The following PEPD variants were observed in gnomAD, a reference collection of about 807,000 sequenced individuals.
PEPD encodes xaa-Pro dipeptidase.
In PEPD, 53 loss-of-function variants were observed where a neutral mutation model predicts 60.7. The observed-to-expected ratio is 0.87, with a 90% CI of 0.70 to 1.10. The LOEUF (loss-of-function observed/expected upper bound fraction) is 1.10. Among genes scored for constraint, PEPD ranks in the 50% least tolerant of loss-of-function variants. The probability of loss-of-function intolerance (pLI) is 0.00; values close to 1 mark genes in which losing one functional copy is unlikely to be tolerated. For missense variants in PEPD, 711 were observed against 711.9 expected (o/e 1.00, Z 0.01); for synonymous variants, 267 against 284.1 (o/e 0.94, Z 0.60).
At chr19:33,494,117 C>T (rs1054444486) in intron 4 of PEPD, among the ~76,000 whole-genome samples, 2 of 152,156 alleles carry the variant, frequency 1.3e-5, no homozygotes, top group East Asian at 3.9e-4. Context: ...GCCAACCAGC[C>T]TGCTGGGAGC....
chr19:33,515,734 A>G (rs1024882820), intron 1 of PEPD, among the ~76,000 whole-genome samples: 3 of 148,344 alleles, frequency 2.0e-5, no homozygotes, highest in Non-Finnish European at 4.5e-5. Context: ...GCCCATCCTC[A>G]GCCACCAGCC....
intron 9 of PEPD, among the ~76,000 whole-genome samples, chr19:33,454,163 C>T (rs904877604): frequency 6.6e-6 from 1 of 152,144 alleles, no homozygotes; most frequent in African/African-American, 2.4e-5. Flanking sequence ...GAAGGGAATG[C>T]TCCAAAACTA....
Position 33,387,903 on chromosome 19 carries a change from C to T in PEPD, c.1331G>A (p.Arg444His), listed in dbSNP as rs371934154. ...FLNREVLQRF[R>H]GFGGVRIEED... ...GTGGGCACTCACCCCGCCAAAACCG[C>T]GAAAGCGCTGCAGGACCTCGCGGTT... The change falls in exon 14 of 15, where the codon CGC (arginine) becomes CAC (histidine). Residue 444 changes from arginine to histidine, a missense_variant. Arg to His is a conservative substitution (Grantham distance 29, BLOSUM62 0). Transcript: ENST00000244137. 9.1e-5 allele frequency: 144 copies of T among 1,574,110 alleles called. No individual in the cohort carries two copies. Among genetic ancestry groups the T allele is most frequent in the African/African-American group, 2.0e-4 (15 of 74,252 alleles).
intron 3 of PEPD, among the ~76,000 whole-genome samples, chr19:33,502,245 TC>T (rs1970726321): frequency 6.6e-6 from 1 of 152,148 alleles, no homozygotes; most frequent in Non-Finnish European, 1.5e-5. Context: ...ACGGGCTCTA[TC>T]CCCAGCCGTG....
At chr19:33,504,963 GC>G (rs1970772520) in intron 3 of PEPD, among the ~76,000 whole-genome samples, 1 of 152,112 alleles carries the variant, frequency 6.6e-6, no homozygotes. Context: ...GATGAGAGAG[GC>G]CTTTCCCAGT....
intron 11 of PEPD, among the ~76,000 whole-genome samples, chr19:33,410,705 C>G (rs549286657): frequency 6.6e-6 from 1 of 152,150 alleles, no homozygotes; most frequent in Admixed American, 6.5e-5. Flanking sequence ...GAGGCTTGTT[C>G]GGGTGCATCT....
intron 9 of PEPD, among the ~76,000 whole-genome samples, chr19:33,457,055 C>T (rs971255106): frequency 1.6e-4 from 24 of 149,670 alleles, no homozygotes; most frequent in African/African-American, 5.7e-4. Flanking sequence ...TGTAGCCCCA[C>T]ACGGGAGGAG....
At chr19:33,399,786 G>A (rs1968447627) in intron 12 of PEPD, among the ~76,000 whole-genome samples, 1 of 152,000 alleles carries the variant, frequency 6.6e-6, no homozygotes, top group South Asian at 2.1e-4. Flanking sequence ...TTTTTTCCTT[G>A]AACACTGAGG....
intron 9 of PEPD, among the ~76,000 whole-genome samples, chr19:33,434,121 A>G (rs962621965): frequency 6.6e-6 from 1 of 151,926 alleles, no homozygotes; most frequent in Non-Finnish European, 1.5e-5. Flanking sequence ...TGCCTTTCTG[A>G]GCCTGGCTTC....
intron 9 of PEPD, among the ~76,000 whole-genome samples, chr19:33,443,759 C>T (rs747959203): frequency 7.9e-5 from 12 of 151,888 alleles, no homozygotes; most frequent in Non-Finnish European, 1.2e-4. Context: ...AGGGGGTGCG[C>T]GTAATGGGTG....
At chr19:33,462,177 G>T (rs575430513) in intron 9 of PEPD, among the ~76,000 whole-genome samples, 2 of 152,212 alleles carry the variant, frequency 1.3e-5, no homozygotes, top group Admixed American at 6.5e-5. Context: ...AGGACATCTG[G>T]GGTGGACTTG....
intron 8 of PEPD, 123 bp from the exon 9 acceptor site, chr19:33,463,164 G>A (rs1482480039): frequency 1.3e-6 from 1 of 764,316 alleles, no homozygotes; most frequent in South Asian, 1.4e-5. Flanking sequence ...AGAATGATAT[G>A]TGCATGCAGT....
intron 9 of PEPD, among the ~76,000 whole-genome samples, chr19:33,415,746 C>T (rs925788223): frequency 6.6e-6 from 1 of 152,168 alleles, no homozygotes; most frequent in Non-Finnish European, 1.5e-5. Context: ...AAGTGCAGCC[C>T]GACACTGGTC....
At chr19:33,393,296 A>G (rs1390031082) in intron 12 of PEPD, among the ~76,000 whole-genome samples, 7 of 130,396 alleles carry the variant, frequency 5.4e-5, no homozygotes, top group Admixed American at 1.5e-4. Context: ...CGTGGGGGAG[A>G]GCCCGGGGTC....
intron 7 of PEPD, among the ~76,000 whole-genome samples, chr19:33,464,680 G>T (rs1250907160): frequency 1.3e-5 from 2 of 152,162 alleles, no homozygotes; most frequent in African/African-American, 4.8e-5. Context: ...TGGTCTACGT[G>T]GGCAGGGGAG....
chr19:33,476,255 A>G (rs1333352045), intron 7 of PEPD, among the ~76,000 whole-genome samples: 2 of 152,108 alleles, frequency 1.3e-5, no homozygotes, highest in Non-Finnish European at 2.9e-5. Flanking sequence ...CGTCGGACCC[A>G]CTGGCCTCTA....
intron 13 of PEPD, 45 bp downstream of exon 13, chr19:33,391,250 G>T: frequency 1.3e-6 from 2 of 1,503,280 alleles, no homozygotes; most frequent in East Asian, 2.3e-5. Flanking sequence ...CAGGCTCAGC[G>T]GCAGCTGATG....
chr19:33,477,155 C>G (rs1186848668), intron 7 of PEPD: 1 of 152,384 alleles, frequency 6.6e-6, no homozygotes, highest in Non-Finnish European at 1.5e-5. Flanking sequence ...GAGCCACCAC[C>G]CTTTCTCTTG....
At chr19:33,433,523 T>G (rs1969315132) in intron 9 of PEPD, among the ~76,000 whole-genome samples, 1 of 152,222 alleles carries the variant, frequency 6.6e-6, no homozygotes, top group Non-Finnish European at 1.5e-5. Context: ...AGGAATTAGG[T>G]AATATATTAC....
Sources: gnomAD v4.1 joint callset for allele counts (sites outside exome capture counted in the v4.1 genomes callset) on GRCh38, gnomAD v4.1.1 for gene constraint, MANE v1.5 for transcripts, NCBI Gene and HGNC (gene_info 2026-07-23, HGNC 2026-07-21) for gene names.